NTM: variants seen among roughly 807,000 people sequenced by gnomAD.
NTM encodes neurotrimin, also known as IgLON family member 2.
NTM carries 13 observed loss-of-function variants against 42.1 expected under a neutral mutation model. That is an observed-to-expected ratio of 0.31 (90% confidence interval 0.20 to 0.49). The LOEUF (loss-of-function observed/expected upper bound fraction) is 0.49, where lower values mean the gene tolerates loss of function less well. Among genes scored for constraint, NTM ranks in the 20% least tolerant of loss-of-function variants. The pLI, the probability that NTM is intolerant of heterozygous loss-of-function variation, is 0.99. For synonymous variants in NTM, 187 were observed against 179.2 expected (o/e 1.04, Z -0.35); for missense variants, 373 against 452.8 (o/e 0.82, Z 1.60).
chr11:131,655,715 C>A (rs902397974), intron 1 of NTM, among the ~76,000 whole-genome samples: 1 of 152,136 alleles, frequency 6.6e-6, no homozygotes, highest in Non-Finnish European at 1.5e-5. Flanking sequence ...GCACATTGTT[C>A]GATCTGACTG....
intron 2 of NTM, among the ~76,000 whole-genome samples, chr11:132,030,362 AC>A (rs1220321781): frequency 1.1e-4 from 16 of 152,208 alleles, no homozygotes; most frequent in African/African-American, 3.6e-4. Flanking sequence ...CAATTAGGAA[AC>A]CCAAACCAAA....
chr11:132,331,820 G>T (rs985827468), intron 8 of NTM, among the ~76,000 whole-genome samples: 9 of 152,178 alleles, frequency 5.9e-5, no homozygotes, highest in African/African-American at 2.2e-4. Context: ...GAGTGATATG[G>T]GTGAGACATA....
At chr11:132,090,798 G>A (rs189231899) in intron 2 of NTM, among the ~76,000 whole-genome samples, 218 of 152,024 alleles carry the variant, frequency 1.4e-3, no homozygotes, top group African/African-American at 5.1e-3. Flanking sequence ...ACATTCTCCT[G>A]GAAAAACTCC....
At chr11:131,867,045 G>T (rs2047292008) in intron 1 of NTM, among the ~76,000 whole-genome samples, 1 of 152,208 alleles carries the variant, frequency 6.6e-6, no homozygotes, top group Admixed American at 6.5e-5. Context: ...CTTGGACTAG[G>T]GGAGGGGAGG....
chr11:131,925,905 G>T (rs2057887971), intron 2 of NTM, among the ~76,000 whole-genome samples: 1 of 152,170 alleles, frequency 6.6e-6, no homozygotes, highest in South Asian at 2.1e-4. Context: ...TCTTACTTTT[G>T]TTGTTGCTTT....
At chr11:131,995,287 A>G (rs1349547646) in intron 2 of NTM, among the ~76,000 whole-genome samples, 2 of 152,194 alleles carry the variant, frequency 1.3e-5, no homozygotes, top group African/African-American at 2.4e-5. Flanking sequence ...TGTGCCACAC[A>G]GTGGTCCAGG....
At chr11:132,273,309 GTTTTTTTTT>G (rs57877862) in intron 4 of NTM, among the ~76,000 whole-genome samples, 80 of 55,672 alleles carry the variant, frequency 1.4e-3, no homozygotes, top group African/African-American at 3.4e-3. Flanking sequence ...GTTGACTAGT[GTTTTTTTTT>G]TTTTTTTTTT....
intron 1 of NTM, among the ~76,000 whole-genome samples, chr11:131,804,563 C>T (rs1328349814): frequency 6.6e-6 from 1 of 152,200 alleles, no homozygotes. Flanking sequence ...CCATCCACCT[C>T]ACCACCTCCT....
chr11:132,330,180 G>A lies in NTM; in HGVS notation c.962G>A (p.Trp321Ter), dbSNP rs2136431486. ...GTGAAAACTACAGCCCTGACCCCTTGGAAAGGTTTGTATATTTTTCAGACA... is the reference window on the plus strand; with the variant it reads ...GTGAAAACTACAGCCCTGACCCCTTAGAAAGGTTTGTATATTTTTCAGACA... ...FEVKTTALTP[W>*]KGPGAVSEVS... The change falls in exon 8 of 9, where the codon TGG (tryptophan) becomes TAG (stop). Residue 321 changes from tryptophan to a stop codon, truncating the protein, a stop_gained. Transcript: ENST00000683400. LOFTEE classifies it high-confidence loss of function. The A allele has an allele frequency of 1.3e-6, 2 of 1,551,680 alleles. No homozygotes were observed. Among genetic ancestry groups the A allele is most frequent in the Non-Finnish European group, 8.7e-7 (1 of 1,146,936 alleles).
At chr11:132,050,059 T>G (rs1018250184) in intron 2 of NTM, among the ~76,000 whole-genome samples, 5 of 152,118 alleles carry the variant, frequency 3.3e-5, no homozygotes, top group African/African-American at 9.7e-5. Context: ...AGTCGGAAAT[T>G]TGCTCAGTGG....
At chr11:131,661,613 T>G (rs1053047781) in intron 1 of NTM, among the ~76,000 whole-genome samples, 5 of 152,218 alleles carry the variant, frequency 3.3e-5, no homozygotes, top group African/African-American at 1.2e-4. Context: ...GGTAGATTTC[T>G]AAAAGAGCTG....
intron 2 of NTM, among the ~76,000 whole-genome samples, chr11:132,059,073 GA>G (rs1359133011): frequency 6.6e-6 from 1 of 152,154 alleles, no homozygotes; most frequent in Non-Finnish European, 1.5e-5. Context: ...AGACAGAAAA[GA>G]AACCCCACTC....
intron 4 of NTM, among the ~76,000 whole-genome samples, chr11:132,287,206 T>G (rs961810492): frequency 6.6e-6 from 1 of 152,214 alleles, no homozygotes; most frequent in Non-Finnish European, 1.5e-5. Context: ...GGTGTAAAGC[T>G]GAGTAATTTT....
At chr11:131,757,880 G>A (rs757457786) in intron 1 of NTM, among the ~76,000 whole-genome samples, 10 of 152,066 alleles carry the variant, frequency 6.6e-5, no homozygotes, top group South Asian at 4.1e-4. Flanking sequence ...TGCAAAGAAC[G>A]TTTTAAAAAT....
rs80071024 is a variant in NTM at position 132,159,653 on chromosome 11, C to T, written c.400+13139C>T. Reference sequence around the variant, plus strand: ...GAGGATACCAAAACCGGAGTTATCACAGAATGTTTGTCTGACCACTCATTC... The same window carrying T: ...GAGGATACCAAAACCGGAGTTATCATAGAATGTTTGTCTGACCACTCATTC... On this transcript the variant is annotated intron_variant, in intron 3 of 8. Coordinates refer to ENST00000683400, the MANE Select transcript of NTM (RefSeq NM_001352005.2). Among the ~76,000 whole-genome samples the T allele has an allele frequency of 2.9e-3, 435 of 152,218 alleles. 2 individuals are homozygous for T. The highest frequency in any genetic ancestry group is 9.5e-3 in the African/African-American group (393 of 41,530).
At chr11:132,278,548 C>A (rs2093825655) in intron 4 of NTM, among the ~76,000 whole-genome samples, 1 of 151,650 alleles carries the variant, frequency 6.6e-6, no homozygotes, top group Non-Finnish European at 1.5e-5. Context: ...GCAGCCCCAC[C>A]CAGACACAAG....
At chr11:131,548,954 G>A (rs989343246) in intron 1 of NTM, among the ~76,000 whole-genome samples, 16 of 152,150 alleles carry the variant, frequency 1.1e-4, no homozygotes, top group Non-Finnish European at 2.2e-4. Context: ...TGGGGGTCCT[G>A]GGAGGCAGAA....
chr11:132,304,887 C>T (rs539724784), intron 4 of NTM, among the ~76,000 whole-genome samples: 7 of 152,150 alleles, frequency 4.6e-5, no homozygotes, highest in East Asian at 1.9e-4. Context: ...AGGATTAAGC[C>T]TCACTGTTCC....
At chr11:132,066,238 C>G (rs2056461001) in intron 2 of NTM, among the ~76,000 whole-genome samples, 1 of 152,194 alleles carries the variant, frequency 6.6e-6, no homozygotes, top group Admixed American at 6.5e-5. Flanking sequence ...GCCTCTACTT[C>G]TTCCAAATGC....
Sources: gnomAD v4.1 joint callset for allele counts (sites outside exome capture counted in the v4.1 genomes callset) on GRCh38, gnomAD v4.1.1 for gene constraint, MANE v1.5 for transcripts, NCBI Gene and HGNC (gene_info 2026-07-23, HGNC 2026-07-21) for gene names.